The following BTN3A3 variants were observed in gnomAD, a reference collection of about 807,000 sequenced individuals.
BTN3A3 encodes the protein butyrophilin subfamily 3 member A3.
A neutral mutation model predicts 43.2 loss-of-function variants in BTN3A3; 39 were observed. The observed-to-expected ratio is 0.90, with a 90% CI of 0.70 to 1.18. BTN3A3 has a LOEUF of 1.18. Ranked by LOEUF, BTN3A3 falls within the 50% of genes most tolerant of loss-of-function variation. The pLI is 0.00. For synonymous variants in BTN3A3, 255 were observed against 272.7 expected (o/e 0.93, Z 0.64); for missense variants, 631 against 722.8 (o/e 0.87, Z 1.46).
chr6:26,449,386 C>A, intron 8 of BTN3A3: 2 of 454,146 alleles, frequency 4.4e-6, no homozygotes, highest in Admixed American at 3.8e-5. Context: ...ACACCTATGC[C>A]CAGGTACAGG....
Position 26,443,462 on chromosome 6 carries a change from C to T in BTN3A3, c.-6+20C>T, listed in dbSNP as rs946273908. On this transcript the variant is annotated intron_variant, in intron 2 of 10. Transcript: ENST00000244519. ...GCAGAGGTAAGATCTTCTTTGGTCACCATACTTGAGTTAGCCCTGGGGAAG... is the reference window on the plus strand; with the variant it reads ...GCAGAGGTAAGATCTTCTTTGGTCATCATACTTGAGTTAGCCCTGGGGAAG... 6.4e-7 allele frequency: 1 copy of T among 1,558,336 alleles called. No individual in the cohort carries two copies. The highest frequency in any genetic ancestry group is 8.7e-7 in the Non-Finnish European group (1 of 1,151,112).
chr6:26,447,746 TACAA>T (rs1245723097), intron 5 of BTN3A3, among the ~76,000 whole-genome samples: 1 of 152,146 alleles, frequency 6.6e-6, no homozygotes, highest in African/African-American at 2.4e-5. Context: ...ATTAGGCCAC[TACAA>T]ACAGAGAGGT....
At position 26,444,049 on chromosome 6, in the gene BTN3A3, G is replaced by T; in HGVS notation, c.178G>T (p.Ala60Ser). 6.2e-7 allele frequency: 1 copy of T among 1,613,990 alleles called. No homozygotes were observed. Among genetic ancestry groups the T allele is most frequent in the Non-Finnish European group, 8.5e-7 (1 of 1,179,846 alleles). ...CTGTCACCTGTTCCCGACCATGAGT[G>T]CAGAGACCATGGAGCTGAGGTGGGT... ...LPCHLFPTMS[A>S]ETMELRWVSS... Residue 60 changes from alanine to serine, a missense_variant, in exon 4 of 11, where the codon GCA (alanine) becomes TCA (serine). Transcript: ENST00000244519.
At chr6:26,450,245 T>A in intron 10 of BTN3A3, 112 bp downstream of exon 10, 2 of 1,339,956 alleles carry the variant, frequency 1.5e-6, no homozygotes, top group East Asian at 4.6e-5. Context: ...CTAAGAAAGT[T>A]TGGGGTAGAC....
At chr6:26,444,561 C>T (rs1253080294) in intron 4 of BTN3A3, 10 of 619,506 alleles carry the variant, frequency 1.6e-5, no homozygotes, top group East Asian at 1.1e-4. Context: ...TGAAGGACGA[C>T]GGATAGGAAA....
rs759916211 is a variant in BTN3A3, at chr6:26,451,731, C to T, written c.1075C>T (p.Gln359Ter). ...CGCCATCCTCCTTGTTTCTGAGGAC[C>T]AGAGGAGTGTGCAGCGTGCTGAAGA... ...ANAILLVSEDQRSVQRAEEPR... is the reference protein window; with the variant it reads ...ANAILLVSED Residue 359 changes from glutamine to a stop codon, truncating the protein, a stop_gained, in exon 11 of 11, where the codon CAG becomes TAG. Coordinates refer to ENST00000244519, the MANE Select transcript of BTN3A3 (RefSeq NM_006994.5). LOFTEE classifies it low-confidence loss of function (END_TRUNC). 9.3e-6 allele frequency: 15 copies of T among 1,614,010 alleles called. No individual in the cohort carries two copies. Among genetic ancestry groups the T allele is most frequent in the Non-Finnish European group, 5.1e-6 (6 of 1,180,020 alleles).
At chr6:26,443,256 G>A in intron 1 of BTN3A3, 126 bp from the exon 2 acceptor site, 1 of 304,448 alleles carries the variant, frequency 3.3e-6, no homozygotes, top group Non-Finnish European at 6.0e-6. Context: ...TGAATCAGAG[G>A]GGGATGATGG....
At chr6:26,450,704 G>A (rs978783155) in intron 10 of BTN3A3, among the ~76,000 whole-genome samples, 1 of 152,172 alleles carries the variant, frequency 6.6e-6, no homozygotes, top group Non-Finnish European at 1.5e-5. Context: ...GGAAAGGAGG[G>A]ATAAGGGTAA....
chr6:26,444,736 A>AT, intron 4 of BTN3A3: 1 of 289,620 alleles, frequency 3.5e-6, no homozygotes, highest in Non-Finnish European at 6.6e-6. Context: ...TCCCAGAAAC[A>AT]TTTTTGTAGT....
chr6:26,442,659 G>A (rs956207300), intron 1 of BTN3A3, among the ~76,000 whole-genome samples: 1 of 152,170 alleles, frequency 6.6e-6, no homozygotes, highest in Non-Finnish European at 1.5e-5. Context: ...TGGTTCAGTC[G>A]GTTACCACTT....
intron 4 of BTN3A3, chr6:26,444,811 A>G (rs3846846): frequency 0.48 from 103,747 of 213,918 alleles, 28,587 homozygotes; most frequent in African/African-American, 0.8. Context: ...AGCTGTGGCG[A>G]GGTCTCAGTA....
rs1010368547 is a variant in BTN3A3, at chr6:26,452,632, T to G, written c.*221T>G. The G allele has an allele frequency of 4.2e-5, 22 of 524,518 alleles. No individual in the cohort carries two copies. Among genetic ancestry groups the G allele is most frequent in the Non-Finnish European group, 7.3e-5 (22 of 300,122 alleles). 32.5% of individuals were successfully genotyped at this position (524,518 alleles called of 1,614,324 possible). On this transcript the variant is annotated 3_prime_UTR_variant, in exon 11 of 11. Transcript: ENST00000244519. ...TGTTATAAGCTTTGGTGGATGTCAC[T>G]CCTTTAATCCTCACAACACCCTGTC...
intron 6 of BTN3A3, 58 bp downstream of exon 6, chr6:26,448,506 C>T: frequency 6.2e-7 from 1 of 1,608,048 alleles, no homozygotes; most frequent in Non-Finnish European, 8.5e-7. Context: ...GCCTGAAGAT[C>T]TCACCCCCAT....
At chr6:26,445,533 G>A (rs965987368) in intron 4 of BTN3A3, 171 bp from the exon 5 acceptor site, 3 of 774,990 alleles carry the variant, frequency 3.9e-6, no homozygotes, top group Non-Finnish European at 4.1e-6. Flanking sequence ...CTGACCCTGG[G>A]ATACTGCACT....
At chr6:26,446,424 CAA>C (rs1762779866) in intron 5 of BTN3A3, among the ~76,000 whole-genome samples, 1 of 152,142 alleles carries the variant, frequency 6.6e-6, no homozygotes, top group Admixed American at 6.5e-5. Context: ...AAATAACCCA[CAA>C]AAGAGTGCTC....
At chr6:26,449,508 AAG>A in intron 8 of BTN3A3, 152 bp from the exon 9 acceptor site, 1 of 757,648 alleles carries the variant, frequency 1.3e-6, no homozygotes, top group Non-Finnish European at 2.2e-6. Context: ...TATTAAGAAG[AAG>A]AGGTGAAGAG....
intron 4 of BTN3A3, 127 bp downstream of exon 4, chr6:26,444,431 A>G (rs910415138): frequency 2.7e-5 from 39 of 1,449,626 alleles, no homozygotes; most frequent in Non-Finnish European, 3.3e-5. Flanking sequence ...CTGCCTCCCA[A>G]CTTAGCTTCT....
intron 5 of BTN3A3, among the ~76,000 whole-genome samples, chr6:26,446,319 C>T (rs1708593316): frequency 6.6e-6 from 1 of 152,060 alleles, no homozygotes; most frequent in African/African-American, 2.4e-5. Flanking sequence ...TTTACAAACT[C>T]ATAGAGAAAG....
In BTN3A3 at chr6:26,453,095, C is replaced by G. The variant is rs1431937001; in HGVS notation, c.*684C>G. 2 of 152,204 alleles carry G rather than the reference C, an allele frequency of 1.3e-5. No individual in the cohort carries two copies. Among genetic ancestry groups the G allele is most frequent in the Non-Finnish European group, 2.9e-5 (2 of 68,046 alleles). The allele number at this position is 152,204 out of a possible 1,614,324, so 9.4% of individuals were successfully genotyped here. A position where few individuals can be genotyped will look rare whatever the true frequency, so the allele number is the denominator to read the frequency against. ...ACAAATGTGATAAGTGATTGTGCAG[C>G]CAGAGCCAGCCTTCCTTCAATCAAG... On this transcript the variant is annotated 3_prime_UTR_variant, in exon 11 of 11. Coordinates refer to ENST00000244519, the MANE Select transcript of BTN3A3 (RefSeq NM_006994.5).
Sources: allele counts gnomAD v4.1 joint callset (sites outside exome capture counted in the v4.1 genomes callset), GRCh38; gene constraint gnomAD v4.1.1; transcripts MANE v1.5; gene names NCBI Gene and HGNC (gene_info 2026-07-23, HGNC 2026-07-21).